IL19: variants seen among roughly 807,000 people sequenced by gnomAD.
IL19 encodes interleukin 19.
IL19 carries 15 observed loss-of-function variants against 19.5 expected under a neutral mutation model. The ratio of observed to expected loss-of-function variants is 0.77; its 90% CI spans 0.52 to 1.19. The LOEUF (loss-of-function observed/expected upper bound fraction) is 1.19, where lower values mean the gene tolerates loss of function less well. Among genes scored for constraint, IL19 ranks in the 50% most tolerant of loss-of-function variants. The pLI is 0.00. For synonymous variants in IL19, 78 were observed against 78.3 expected (o/e 1.00, Z 0.02); for missense variants, 199 against 213.1 (o/e 0.93, Z 0.41).
chr1:206,804,330 C>T (rs1675791484), intron 2 of IL19, among the ~76,000 whole-genome samples: 1 of 152,166 alleles, frequency 6.6e-6, no homozygotes, highest in Non-Finnish European at 1.5e-5. Flanking sequence ...ACCTGGAGAT[C>T]CTTTCCAACA....
chr1:206,836,070 G>A (rs1174920625), intron 2 of IL19, among the ~76,000 whole-genome samples: 1 of 152,192 alleles, frequency 6.6e-6, no homozygotes, highest in African/African-American at 2.4e-5. Context: ...GCTCCTTATT[G>A]TGGCTAATTA....
chr1:206,793,177 G>C (rs1354610748), intron 1 of IL19, among the ~76,000 whole-genome samples: 1 of 152,248 alleles, frequency 6.6e-6, no homozygotes, highest in African/African-American at 2.4e-5. Flanking sequence ...TATACCTGGA[G>C]CTAAATCCCG....
At chr1:206,810,267 T>A (rs967410049) in intron 2 of IL19, among the ~76,000 whole-genome samples, 4 of 152,196 alleles carry the variant, frequency 2.6e-5, no homozygotes, top group African/African-American at 9.7e-5. Flanking sequence ...GTGAGCTAGC[T>A]CTTGTAACTG....
chr1:206,803,344 C>T (rs914585519), intron 2 of IL19, among the ~76,000 whole-genome samples: 5 of 152,040 alleles, frequency 3.3e-5, no homozygotes, highest in South Asian at 4.2e-4. Flanking sequence ...CCCCATCTTT[C>T]GGAATTAGTG....
At chr1:206,828,666 G>C (rs1042872756) in intron 2 of IL19, among the ~76,000 whole-genome samples, 4 of 152,138 alleles carry the variant, frequency 2.6e-5, no homozygotes, top group Non-Finnish European at 5.9e-5. Context: ...TATTGACATA[G>C]AAGAAGGAAA....
At chr1:206,828,147 C>T (rs1021325003) in intron 2 of IL19, among the ~76,000 whole-genome samples, 3 of 1,004 alleles carry the variant, frequency 3.0e-3, no homozygotes, top group Admixed American at 0.012. Flanking sequence ...TTTCTAAGCT[C>T]ACCACCACTT....
intron 2 of IL19, among the ~76,000 whole-genome samples, chr1:206,830,580 TA>T (rs1378142092): frequency 1.7e-4 from 26 of 151,886 alleles, no homozygotes; most frequent in Non-Finnish European, 5.9e-5. Flanking sequence ...ATCAGTTTTA[TA>T]TATATATATA....
chr1:206,822,751 G>T (rs1034043725), intron 2 of IL19, among the ~76,000 whole-genome samples: 1 of 152,134 alleles, frequency 6.6e-6, no homozygotes, highest in Non-Finnish European at 1.5e-5. Context: ...CCGGGAATAT[G>T]CTGTCCACTT....
rs139791059 is a variant in IL19 at position 206,799,137 on chromosome 1, G to A, written c.-3+131G>A. On this transcript the variant is annotated intron_variant, in intron 2 of 6. Coordinates refer to ENST00000659997, the MANE Select transcript of IL19 (RefSeq NM_153758.5). The stretch of plus-strand genomic sequence containing the variant: ...TGAACTGACAGGACTGCCTTTGTCT[G>A]TCATAAAGTTCCTTATTGCCAGACT... The A allele has an allele frequency of 2.7e-5, 19 of 696,998 alleles. No homozygotes were observed. The Admixed American group carries it at 5.2e-4, about 19-fold the overall frequency. The allele number at this position is 696,998 out of a possible 1,614,324, so 43.2% of individuals were successfully genotyped here.
At chr1:206,836,014 G>A (rs906878314) in intron 2 of IL19, among the ~76,000 whole-genome samples, 2 of 152,206 alleles carry the variant, frequency 1.3e-5, no homozygotes, top group African/African-American at 4.8e-5. Flanking sequence ...GCAGGTGACC[G>A]ACGGGAAGTT....
At chr1:206,841,245 C>T (rs1159660232) in intron 6 of IL19, among the ~76,000 whole-genome samples, 167 bp downstream of exon 6, 1 of 152,224 alleles carries the variant, frequency 6.6e-6, no homozygotes, top group African/African-American at 2.4e-5. Flanking sequence ...GATTTTACCT[C>T]ATTTGCTAAT....
rs1674835162 is a variant in IL19, at chr1:206,771,368, C to A, written c.-149+290C>A. 2 of 1,613,622 alleles carry A rather than the reference C, an allele frequency of 1.2e-6. No individual in the cohort carries two copies. The highest frequency in any genetic ancestry group is 1.7e-6 in the Non-Finnish European group (2 of 1,179,752). ...CCCCTGCTCTCACCTTAAAGTCCTCCAGCAAGGACTCCTTTAACAACAAGT... is the reference window on the plus strand; with the variant it reads ...CCCCTGCTCTCACCTTAAAGTCCTCAAGCAAGGACTCCTTTAACAACAAGT... On this transcript the variant is annotated intron_variant, in intron 1 of 6. Coordinates refer to ENST00000659997, the MANE Select transcript of IL19 (RefSeq NM_153758.5).
chr1:206,792,665 C>G (rs1346623332), intron 1 of IL19, among the ~76,000 whole-genome samples: 1 of 152,146 alleles, frequency 6.6e-6, no homozygotes, highest in Non-Finnish European at 1.5e-5. Flanking sequence ...CCATGTTGGC[C>G]AGGATGGTCT....
At chr1:206,840,189 G>T (rs562106267) in intron 5 of IL19, 187 bp downstream of exon 5, 1 of 729,462 alleles carries the variant, frequency 1.4e-6, no homozygotes. Flanking sequence ...CTCCCTGCCT[G>T]CTGACAACTC....
chr1:206,773,679 C>T (rs1009506464), intron 1 of IL19, among the ~76,000 whole-genome samples: 22 of 147,936 alleles, frequency 1.5e-4, no homozygotes, highest in Middle Eastern at 3.6e-3. Context: ...TGTTGCTCTA[C>T]CTGGGGAAGG....
chr1:206,837,346 C>T (rs1182067689), intron 4 of IL19, among the ~76,000 whole-genome samples: 1 of 151,876 alleles, frequency 6.6e-6, no homozygotes, highest in Admixed American at 6.6e-5. Context: ...GTGACTTAAC[C>T]CGAGGAGGTT....
chr1:206,839,711 C>A, intron 4 of IL19, 139 bp from the exon 5 acceptor site: 1 of 714,858 alleles, frequency 1.4e-6, no homozygotes, highest in Non-Finnish European at 2.4e-6. Flanking sequence ...AGAGGATGAA[C>A]ACTCTGAGAC....
chr1:206,840,657 G>A (rs542329139), intron 5 of IL19: 59 of 219,682 alleles, frequency 2.7e-4, no homozygotes, highest in African/African-American at 1.1e-3. Context: ...TTAACAATTC[G>A]TTAAAATTAA....
chr1:206,812,838 C>T (rs945206614), intron 2 of IL19, among the ~76,000 whole-genome samples: 3 of 152,006 alleles, frequency 2.0e-5, no homozygotes, highest in Non-Finnish European at 4.4e-5. Context: ...ATTCTTTCTT[C>T]TTATTCATAT....
Sources: gnomAD v4.1 joint callset for allele counts (sites outside exome capture counted in the v4.1 genomes callset) on GRCh38, gnomAD v4.1.1 for gene constraint, MANE v1.5 for transcripts, NCBI Gene and HGNC (gene_info 2026-07-23, HGNC 2026-07-21) for gene names.